TRDN: variants seen among roughly 807,000 people sequenced by gnomAD.
TRDN encodes triadin in skeletal muscle.
In TRDN, 161 loss-of-function variants were observed where a neutral mutation model predicts 149.7. The ratio of observed to expected loss-of-function variants is 1.08; its 90% confidence interval spans 0.95 to 1.23. The LOEUF (loss-of-function observed/expected upper bound fraction) is 1.23, where lower values mean the gene tolerates loss of function less well. TRDN is among the 50% of genes most tolerant of loss of function. The probability of loss-of-function intolerance (pLI) is 0.00; values close to 1 mark genes in which losing one functional copy is unlikely to be tolerated. For missense variants in TRDN, 896 were observed against 823.5 expected (o/e 1.09, Z -1.08); for synonymous variants, 294 against 250.5 (o/e 1.17, Z -1.64).
At chr6:123,450,492 A>G (rs1222312407) in intron 10 of TRDN, among the ~76,000 whole-genome samples, 1 of 152,184 alleles carries the variant, frequency 6.6e-6, no homozygotes, top group East Asian at 1.9e-4. Context: ...CAGCAGTAAA[A>G]AGAGACAAAG....
chr6:123,409,380 G>A (rs867973172), intron 12 of TRDN, among the ~76,000 whole-genome samples: 2 of 152,150 alleles, frequency 1.3e-5, no homozygotes, highest in Non-Finnish European at 2.9e-5. Context: ...AAATATTGCA[G>A]TCAGAAAGGT....
chr6:123,504,136 T>C (rs1238327622), intron 7 of TRDN, among the ~76,000 whole-genome samples: 1 of 151,954 alleles, frequency 6.6e-6, no homozygotes, highest in African/African-American at 2.4e-5. Context: ...TTAGATAGAC[T>C]ACTAAAAGTG....
intron 4 of TRDN, among the ~76,000 whole-genome samples, chr6:123,539,722 TC>T (rs1780731384): frequency 6.6e-6 from 1 of 152,214 alleles, no homozygotes; most frequent in East Asian, 1.9e-4. Flanking sequence ...ATCCTATCAT[TC>T]ATGTTTTGGG....
At chr6:123,542,990 A>G (rs963164275) in intron 4 of TRDN, among the ~76,000 whole-genome samples, 7 of 152,002 alleles carry the variant, frequency 4.6e-5, no homozygotes, top group African/African-American at 1.5e-4. Flanking sequence ...AATAGATATC[A>G]TTACTATTAT....
intron 9 of TRDN, among the ~76,000 whole-genome samples, chr6:123,465,649 A>G (rs1025149053): frequency 2.0e-5 from 3 of 151,040 alleles, no homozygotes; most frequent in African/African-American, 7.3e-5. Flanking sequence ...ATTTCCAAGT[A>G]CTTCTTTATC....
At chr6:123,356,290 A>G (rs1780668686) in intron 20 of TRDN, among the ~76,000 whole-genome samples, 1 of 151,348 alleles carries the variant, frequency 6.6e-6, no homozygotes, top group Non-Finnish European at 1.5e-5. Context: ...GTAAGTTTCT[A>G]TTCTTGTGAT....
At chr6:123,277,224 T>G (rs1777398387) in intron 26 of TRDN, among the ~76,000 whole-genome samples, 1 of 152,092 alleles carries the variant, frequency 6.6e-6, no homozygotes, top group Non-Finnish European at 1.5e-5. Context: ...TTTAGATGAT[T>G]TAGATAATGA....
chr6:123,622,060 C>T, intron 1 of TRDN, among the ~76,000 whole-genome samples: 1 of 152,060 alleles, frequency 6.6e-6, no homozygotes, highest in East Asian at 1.9e-4. Context: ...ATATGCCTGG[C>T]TCTCTGGCCT....
chr6:123,356,950 A>G (rs1780705356), intron 20 of TRDN, among the ~76,000 whole-genome samples: 1 of 151,390 alleles, frequency 6.6e-6, no homozygotes, highest in Non-Finnish European at 1.5e-5. Context: ...TTCCTGTTGT[A>G]CTACTTGATT....
intron 9 of TRDN, among the ~76,000 whole-genome samples, chr6:123,478,546 A>T (rs975060430): frequency 6.6e-6 from 1 of 152,232 alleles, no homozygotes; most frequent in African/African-American, 2.4e-5. Context: ...TGAAGACAGA[A>T]GATATAGGTA....
At chr6:123,544,482 C>T (rs886407286) in intron 4 of TRDN, among the ~76,000 whole-genome samples, 18 of 151,990 alleles carry the variant, frequency 1.2e-4, no homozygotes, top group African/African-American at 4.3e-4. Flanking sequence ...AATCTCTCTG[C>T]AGTTTTATAC....
At chr6:123,351,863 T>C (rs1017411354) in intron 21 of TRDN, 3 of 984,566 alleles carry the variant, frequency 3.0e-6, no homozygotes, top group Non-Finnish European at 3.6e-6. Context: ...ATTAGCACAC[T>C]TGAGCTCTAA....
intron 5 of TRDN, chr6:123,529,346 C>T (rs1448747532): frequency 1.3e-6 from 2 of 1,548,120 alleles, no homozygotes; most frequent in Non-Finnish European, 1.7e-6. Context: ...AGTAAGGAGA[C>T]ATTAGTTTCC....
intron 38 of TRDN, among the ~76,000 whole-genome samples, chr6:123,239,687 G>A (rs533122755): frequency 1.3e-5 from 2 of 152,124 alleles, no homozygotes; most frequent in East Asian, 3.9e-4. Flanking sequence ...AATTAAATAT[G>A]CTTAACATTG....
At chr6:123,288,066 A>G (rs1032350358) in intron 24 of TRDN, among the ~76,000 whole-genome samples, 5 of 152,092 alleles carry the variant, frequency 3.3e-5, no homozygotes, top group Non-Finnish European at 7.4e-5. Context: ...AAATAAAAAT[A>G]TAAAGGTCAC....
intron 1 of TRDN, among the ~76,000 whole-genome samples, chr6:123,584,526 T>C (rs892976301): frequency 6.6e-6 from 1 of 152,046 alleles, no homozygotes; most frequent in Non-Finnish European, 1.5e-5. Flanking sequence ...TTGTAAGGGA[T>C]TGAGGTTTGG....
At chr6:123,350,711 GATT>G in intron 21 of TRDN, 2 of 835,052 alleles carry the variant, frequency 2.4e-6, no homozygotes, top group Non-Finnish European at 2.9e-6. Context: ...TATTTCCTAT[GATT>G]GTTATGATTG....
intron 33 of TRDN, among the ~76,000 whole-genome samples, chr6:123,262,634 A>G (rs1357612886): frequency 6.6e-6 from 1 of 152,028 alleles, no homozygotes; most frequent in African/African-American, 2.4e-5. Flanking sequence ...TTACAAGTTG[A>G]CAGTTTGTAG....
chr6:123,376,471 G>A (rs1325780046), intron 18 of TRDN, among the ~76,000 whole-genome samples: 1 of 152,054 alleles, frequency 6.6e-6, no homozygotes, highest in Non-Finnish European at 1.5e-5. Context: ...CACTCAATAA[G>A]CCATCATCAA....
Sources: gnomAD v4.1 joint callset for allele counts (sites outside exome capture counted in the v4.1 genomes callset) on GRCh38, gnomAD v4.1.1 for gene constraint, MANE v1.5 for transcripts, NCBI Gene and HGNC (gene_info 2026-07-23, HGNC 2026-07-21) for gene names.